The following IDH3B variants were observed in gnomAD, a reference collection of about 807,000 sequenced individuals.
IDH3B encodes the protein isocitrate dehydrogenase [NAD] subunit beta, mitochondrial.
Under a neutral mutation model 47.5 loss-of-function variants are expected in IDH3B, and 40 were observed. The observed-to-expected ratio is 0.84, with a 90% CI of 0.65 to 1.10. The LOEUF is 1.10. IDH3B is among the 50% of genes least tolerant of loss of function. The pLI, the probability that IDH3B is intolerant of heterozygous loss-of-function variation, is 0.00. For missense variants in IDH3B, 450 were observed against 505.2 expected (o/e 0.89, Z 1.05); for synonymous variants, 185 against 191.0 (o/e 0.97, Z 0.26).
At position 2,663,574 on chromosome 20, in the gene IDH3B, G is replaced by A. The variant is rs775620619; in HGVS notation, c.217-8C>T. The A allele has an allele frequency of 6.2e-7, 1 of 1,614,186 alleles. No homozygotes were observed. On this transcript the variant is annotated splice_polypyrimidine_tract_variant and splice_region_variant and intron_variant, in intron 3 of 11. Coordinates refer to ENST00000380843, the MANE Select transcript of IDH3B (RefSeq NM_006899.5). ...CACTGGGACAGCGGCAGCCTTCAGA[G>A]ACAGGTTCCCAAAACATCACAGTCA...
Position 2,660,521 on chromosome 20 carries a change from C to T in IDH3B, c.601G>A (p.Ala201Thr), listed in dbSNP as rs750406173. 6.2e-6 allele frequency: 10 copies of T among 1,614,030 alleles called. No homozygotes were observed. The highest frequency in any genetic ancestry group is 1.7e-5 in the Admixed American group (1 of 59,988). Reference sequence around the variant, plus strand: ...CCCTTCTTGGTGGCATAGTCAAAGGCGAACTTTGCAATCCGCTGAGACTTG... The same window carrying T: ...CCCTTCTTGGTGGCATAGTCAAAGGTGAACTTTGCAATCCGCTGAGACTTG... Reference protein sequence around the residue: ...RAKSQRIAKFAFDYATKKGRG... With the variant: ...RAKSQRIAKFTFDYATKKGRG... Residue 201 changes from alanine (A) to threonine (T), a missense_variant, in exon 7 of 12, where the codon GCC (alanine) becomes ACC (threonine). Ala to Thr is a moderately conservative substitution (Grantham distance 58). Transcript: ENST00000380843. This position sits in a 1 kb window ranked among gnomAD's most constrained non-coding sequence, Gnocchi z 5.6.
chr20:2,659,306 A>C, intron 11 of IDH3B: 1 of 1,500,860 alleles, frequency 6.7e-7, no homozygotes, highest in Non-Finnish European at 8.8e-7. Flanking sequence ...GGAACAGCAG[A>C]TGGGATCTAA....
Position 2,658,616 on chromosome 20 carries a change from C to T in IDH3B, c.*135G>A, listed in dbSNP as rs569288246. Reference sequence around the variant, plus strand: ...CAGTCTGTCCCCTAAGGAAGCCGGCCCAAGGACAACCTAGGCTCTACCCAG... The same window carrying T: ...CAGTCTGTCCCCTAAGGAAGCCGGCTCAAGGACAACCTAGGCTCTACCCAG... On this transcript the variant is annotated 3_prime_UTR_variant, in exon 12 of 12. Coordinates refer to ENST00000380843, the MANE Select transcript of IDH3B (RefSeq NM_006899.5). The T allele has an allele frequency of 7.3e-5, 118 of 1,613,160 alleles. No individual in the cohort carries two copies. The African/African-American group carries it at 1.2e-3, about 17-fold the overall frequency.
At chr20:2,659,256 G>T in intron 11 of IDH3B, 1 of 1,446,816 alleles carries the variant, frequency 6.9e-7, no homozygotes, top group Non-Finnish European at 9.0e-7. Context: ...TCTGCATTCA[G>T]ATGGCCCATG....
chr20:2,663,447 A>C lies in IDH3B; in HGVS notation c.336T>G (p.Ile112Met). The C allele has an allele frequency of 6.2e-7, 1 of 1,614,196 alleles. No homozygotes were observed. Among genetic ancestry groups the C allele is most frequent in the Non-Finnish European group, 8.5e-7 (1 of 1,180,012 alleles). The change falls in exon 4 of 12, where the codon ATT becomes ATG. Residue 112 changes from isoleucine (I) to methionine (M), a missense_variant and splice_region_variant. Transcript: ENST00000380843. Reference sequence around the variant, plus strand: ...CAAGTGGCAAGAGGGCACACATACCAATGATGGCCACTTTGTTCTCCTTCA... The same window carrying C: ...CAAGTGGCAAGAGGGCACACATACCCATGATGGCCACTTTGTTCTCCTTCA... Reference protein sequence around the residue: ...SSMKENKVAIIGKIHTPMEYK... With the variant: ...SSMKENKVAIMGKIHTPMEYK...
intron 11 of IDH3B, 153 bp downstream of exon 11, chr20:2,659,372 C>A: frequency 6.4e-7 from 1 of 1,574,654 alleles, no homozygotes. Flanking sequence ...TGAAGAACAG[C>A]CCTGAGAGGG....
chr20:2,658,884 C>T, intron 11 of IDH3B, 47 bp from the exon 12 acceptor site: 1 of 1,612,652 alleles, frequency 6.2e-7, no homozygotes, highest in Non-Finnish European at 8.5e-7. Flanking sequence ...AAAAGAGAGC[C>T]CATGAAGGGA....
At chr20:2,661,167 A>C (rs2086940259) in intron 4 of IDH3B, among the ~76,000 whole-genome samples, 198 bp from the exon 5 acceptor site, 1 of 122,306 alleles carries the variant, frequency 8.2e-6, no homozygotes, top group African/African-American at 2.7e-5. Flanking sequence ...CATTTCATCT[A>C]TTGCATTTTC....
intron 4 of IDH3B, 76 bp from the exon 5 acceptor site, chr20:2,661,045 C>T: frequency 4.0e-6 from 5 of 1,241,710 alleles, no homozygotes; most frequent in Non-Finnish European, 4.7e-6. Context: ...GTCTAACCCC[C>T]TTAGGAACAT....
At position 2,660,297 on chromosome 20, in the gene IDH3B, A is replaced by C; in HGVS notation, c.734T>G (p.Phe245Cys). ...GCAGTTGTCTATGATCATTGTCTCA[A>C]ATTTGATTTTGGGGTACAGTTCAGC... ...EVAELYPKIK[F>C]ETMIIDNCCM... is the part of the protein sequence containing the mutation. Residue 245 changes from phenylalanine (F) to cysteine (C), a missense_variant, in exon 8 of 12, where the codon TTT becomes TGT. Phe to Cys is a radical substitution (Grantham distance 205). Coordinates refer to ENST00000380843, the MANE Select transcript of IDH3B (RefSeq NM_006899.5). The surrounding 1 kb of genome is among the most constrained non-coding windows in gnomAD (Gnocchi z 5.6). The C allele has an allele frequency of 6.2e-7, 1 of 1,614,000 alleles. No individual in the cohort carries two copies. Among genetic ancestry groups the C allele is most frequent in the Non-Finnish European group, 8.5e-7 (1 of 1,180,006 alleles).
chr20:2,659,864 G>A (rs2146308220), intron 9 of IDH3B, 71 bp from the exon 10 acceptor site: 1 of 1,439,268 alleles, frequency 6.9e-7, no homozygotes, highest in South Asian at 1.1e-5. Context: ...GGTTGGAAAA[G>A]GACATTATGG....
In IDH3B at chr20:2,660,626, G is replaced by T. The variant is rs368790817; in HGVS notation, c.532-36C>A. The T allele has an allele frequency of 1.6e-5, 26 of 1,614,048 alleles. No individual in the cohort carries two copies. In the East Asian group the frequency reaches 3.6e-4, roughly 22 times the overall value. ...AGAAAGCAGCAGCTAGGTGACACTG[G>T]GAAGGGAAACAAGGAGCTCCACCTC... is the stretch of plus-strand genomic sequence containing the variant. On this transcript the variant is annotated intron_variant, in intron 6 of 11. Transcript: ENST00000380843. This position sits in a 1 kb window ranked among gnomAD's most constrained non-coding sequence, Gnocchi z 5.6.
In IDH3B at chr20:2,658,849, AC is replaced by A; in HGVS notation, c.1072-13del. The A allele has an allele frequency of 6.2e-7, 1 of 1,614,072 alleles. No individual in the cohort carries two copies. Among genetic ancestry groups the A allele is most frequent in the Non-Finnish European group, 8.5e-7 (1 of 1,180,032 alleles). ...TCTCGAGTCCGCACCTACAGCCACC[AC>A]CGGCAACAGCCGTGGGGAGGGAGAA... On this transcript the variant is annotated splice_polypyrimidine_tract_variant and intron_variant, in intron 11 of 11. Transcript: ENST00000380843.
chr20:2,658,409 T>C lies in IDH3B; in HGVS notation c.*342A>G. 1 of 1,613,354 alleles carries C rather than the reference T, an allele frequency of 6.2e-7. No individual in the cohort carries two copies. Among genetic ancestry groups the C allele is most frequent in the Non-Finnish European group, 8.5e-7 (1 of 1,179,566 alleles). On this transcript the variant is annotated 3_prime_UTR_variant, in exon 12 of 12. Coordinates refer to ENST00000380843, the MANE Select transcript of IDH3B (RefSeq NM_006899.5). Reference sequence around the variant, plus strand: ...ATTCACAAGAGTTGGTTCATGTTCTTTATTGAACACCTTACATGGGTATGG... The same window carrying C: ...ATTCACAAGAGTTGGTTCATGTTCTCTATTGAACACCTTACATGGGTATGG...
At chr20:2,663,045 T>C (rs2086976124) in intron 4 of IDH3B, among the ~76,000 whole-genome samples, 1 of 151,668 alleles carries the variant, frequency 6.6e-6, no homozygotes, top group Admixed American at 6.6e-5. Flanking sequence ...GAGAATTGCT[T>C]GAACCAGGGA....
At position 2,660,230 on chromosome 20, in the gene IDH3B, C is replaced by A; in HGVS notation, c.768+33G>T. ...AATTCCACTCCCCACCCTCCTCCTCCGCCCCATGAGTAGAGATGTGGGGAG... is the reference window on the plus strand; with the variant it reads ...AATTCCACTCCCCACCCTCCTCCTCAGCCCCATGAGTAGAGATGTGGGGAG... On this transcript the variant is annotated intron_variant, in intron 8 of 11. Transcript: ENST00000380843. This position sits in a 1 kb window ranked among gnomAD's most constrained non-coding sequence, Gnocchi z 5.6. The A allele has an allele frequency of 6.2e-7, 1 of 1,613,690 alleles. No homozygotes were observed. Among genetic ancestry groups the A allele is most frequent in the Non-Finnish European group, 8.5e-7 (1 of 1,179,608 alleles).
chr20:2,662,465 T>C (rs907661684), intron 4 of IDH3B, among the ~76,000 whole-genome samples: 6 of 152,166 alleles, frequency 3.9e-5, no homozygotes, highest in Middle Eastern at 3.4e-3. Context: ...GAAGATGAAC[T>C]ATAGGGGCAG....
intron 11 of IDH3B, 170 bp from the exon 12 acceptor site, chr20:2,659,007 C>G (rs1283246205): frequency 9.3e-7 from 1 of 1,071,212 alleles, no homozygotes; most frequent in East Asian, 4.4e-5. Context: ...GGACCTGCCA[C>G]TCCTCTTAAG....
rs768238096 is a variant in IDH3B, at chr20:2,660,864, G to A, written c.399-35C>T. ...GGCAGGGCCATCAGCTCTGCTCCTGGTGCCCTGGCACCTCTCAACCATTCA... is the reference window on the plus strand; with the variant it reads ...GGCAGGGCCATCAGCTCTGCTCCTGATGCCCTGGCACCTCTCAACCATTCA... On this transcript the variant is annotated intron_variant, in intron 5 of 11. Transcript: ENST00000380843. This position sits in a 1 kb window ranked among gnomAD's most constrained non-coding sequence, Gnocchi z 5.6. The A allele has an allele frequency of 3.1e-6, 5 of 1,614,026 alleles. No homozygotes were observed. The highest frequency in any genetic ancestry group is 1.3e-5 in the African/African-American group (1 of 74,912).
Sources: allele counts gnomAD v4.1 joint callset (sites outside exome capture counted in the v4.1 genomes callset), GRCh38; gene constraint gnomAD v4.1.1; non-coding constraint Gnocchi (gnomAD v3.1); transcripts MANE v1.5; gene names NCBI Gene and HGNC (gene_info 2026-07-23, HGNC 2026-07-21).